Variants in GALNT9 observed in about 807,000 individuals in gnomAD.
GALNT9 encodes GalNAc transferase 9.
GALNT9 carries 47 observed loss-of-function variants against 63.1 expected under a neutral mutation model. The ratio of observed to expected loss-of-function variants is 0.75; its 90% CI spans 0.59 to 0.95. The LOEUF is 0.95. Ranked by LOEUF, GALNT9 falls within the 40% of genes least tolerant of loss-of-function variation. The pLI is 0.00. For missense variants in GALNT9, 829 were observed against 874.8 expected, an observed-to-expected ratio of 0.95 and a Z score of 0.66; for synonymous variants, 396 against 365.7, an observed-to-expected ratio of 1.08 and a Z score of -0.94.
chr12:132,324,272 T>C (rs1458041876), intron 1 of GALNT9, among the ~76,000 whole-genome samples: 1 of 151,998 alleles, frequency 6.6e-6, no homozygotes, highest in African/African-American at 2.4e-5. Context: ...CGCAGGACAT[T>C]CCGAGACGCA....
intron 2 of GALNT9, among the ~76,000 whole-genome samples, chr12:132,266,045 CAGG>C (rs1879582594): frequency 6.7e-6 from 1 of 148,500 alleles, no homozygotes; most frequent in African/African-American, 2.6e-5. Flanking sequence ...ATTTCATCAA[CAGG>C]CACGCACAGC....
chr12:132,259,798 T>C (rs1879294749), intron 4 of GALNT9, among the ~76,000 whole-genome samples: 1 of 152,202 alleles, frequency 6.6e-6, no homozygotes, highest in Non-Finnish European at 1.5e-5. Flanking sequence ...CAAGGCCCCC[T>C]GCAGTGACAA....
chr12:132,308,720 T>C (rs1881702043), intron 1 of GALNT9, among the ~76,000 whole-genome samples: 1 of 152,178 alleles, frequency 6.6e-6, no homozygotes, highest in Admixed American at 6.5e-5. Context: ...GTCAGCACCA[T>C]GCTGTCCCCA....
intron 6 of GALNT9, among the ~76,000 whole-genome samples, chr12:132,222,526 C>T (rs1375739620): frequency 6.6e-6 from 1 of 152,016 alleles, no homozygotes; most frequent in Non-Finnish European, 1.5e-5. Flanking sequence ...GCAGTTTCTG[C>T]CCCCAGGGCT....
chr12:132,309,929 C>T (rs782162477), intron 1 of GALNT9, among the ~76,000 whole-genome samples: 28 of 152,344 alleles, frequency 1.8e-4, no homozygotes, highest in Middle Eastern at 6.8e-3. Context: ...TGGCAGCGGG[C>T]GCAGGTGAAA....
chr12:132,291,242 C>T (rs1474594979), intron 1 of GALNT9, among the ~76,000 whole-genome samples: 1 of 41,122 alleles, frequency 2.4e-5, no homozygotes, highest in Non-Finnish European at 4.1e-5. Flanking sequence ...ACGTCCACAG[C>T]GCCCACGTCC....
chr12:132,239,590 A>G (rs2136897178), intron 6 of GALNT9, among the ~76,000 whole-genome samples: 1 of 152,114 alleles, frequency 6.6e-6, no homozygotes, highest in African/African-American at 2.4e-5. Context: ...AGACACAGAG[A>G]GACAGAGAGA....
Position 132,200,938 on chromosome 12 carries a change from C to T in GALNT9, c.1401+186G>A, listed in dbSNP as rs12309593. 1.5e-3 allele frequency: 917 copies of T among 595,054 alleles called. 9 individuals are homozygous for T. In the African/African-American group the frequency reaches 0.016, roughly 10 times the overall value. 36.9% of individuals were successfully genotyped at this position (595,054 alleles called of 1,614,324 possible). ...GTGCACGTGGATGTGCCTGCATCAC[C>T]GTGAATGCACACGTGTGTGCAGGAG... On this transcript the variant is annotated intron_variant, in intron 8 of 10. Coordinates refer to ENST00000328957, the MANE Select transcript of GALNT9 (RefSeq NM_001122636.2).
intron 2 of GALNT9, chr12:132,276,366 G>A (rs57184674): frequency 0.064 from 9,951 of 155,072 alleles, 1,064 homozygotes; most frequent in African/African-American, 0.23. Context: ...CACATGGCTC[G>A]CCGCCTATCT....
chr12:132,201,300 C>A, intron 7 of GALNT9, 39 bp from the exon 8 acceptor site: 1 of 1,471,518 alleles, frequency 6.8e-7, no homozygotes, highest in South Asian at 1.2e-5. Flanking sequence ...ACATGGGTGT[C>A]ACCATGACCT....
rs148141765 is a variant in GALNT9 at position 132,272,046 on chromosome 12, G to A, written c.420-9421C>T. On this transcript the variant is annotated intron_variant, in intron 2 of 10. Transcript: ENST00000328957. ...GCGCTCGAGGGCGGGGGGAGGAGGAGACAGGAGAGAGGAGAATGCCGTCAC... is the reference window on the plus strand; with the variant it reads ...GCGCTCGAGGGCGGGGGGAGGAGGAAACAGGAGAGAGGAGAATGCCGTCAC... Among the ~76,000 whole-genome samples, 266 of 152,152 alleles carry A rather than the reference G, an allele frequency of 1.7e-3. 3 individuals carry two copies. The highest frequency in any genetic ancestry group is 6.0e-3 in the African/African-American group (248 of 41,522).
intron 1 of GALNT9, among the ~76,000 whole-genome samples, chr12:132,321,252 G>GTCAAGGCCCCTGTGGGTCCAGAA (rs1868782207): frequency 1.4e-5 from 2 of 147,428 alleles, no homozygotes; most frequent in African/African-American, 5.1e-5. Context: ...TCGGTCCGGA[G>GTCAAGGCCCCTGTGGGTCCAGAA]TCGAGGCCCC....
At chr12:132,210,804 T>C (rs548255545) in intron 6 of GALNT9, among the ~76,000 whole-genome samples, 8 of 150,928 alleles carry the variant, frequency 5.3e-5, no homozygotes, top group South Asian at 2.1e-4. Context: ...GTCTGGCGGT[T>C]GCCATCTGGG....
At chr12:132,214,408 G>C (rs886358269) in intron 6 of GALNT9, among the ~76,000 whole-genome samples, 6 of 152,164 alleles carry the variant, frequency 3.9e-5, no homozygotes, top group Non-Finnish European at 8.8e-5. Flanking sequence ...GCCCCTCCCG[G>C]GTGAGTGATT....
intron 1 of GALNT9, among the ~76,000 whole-genome samples, chr12:132,291,243 G>A (rs1254857641): frequency 2.0e-4 from 3 of 14,896 alleles, no homozygotes; most frequent in African/African-American, 4.4e-4. Flanking sequence ...CGTCCACAGC[G>A]CCCACGTCCT....
At chr12:132,225,826 TCACA>T (rs1371366735) in intron 6 of GALNT9, among the ~76,000 whole-genome samples, 1 of 76,358 alleles carries the variant, frequency 1.3e-5, no homozygotes, top group Admixed American at 1.4e-4. Flanking sequence ...ATGCATACCC[TCACA>T]CACACCACAC....
intron 1 of GALNT9, among the ~76,000 whole-genome samples, chr12:132,321,854 G>A (rs1171827113): frequency 6.6e-6 from 1 of 151,846 alleles, no homozygotes; most frequent in Non-Finnish European, 1.5e-5. Context: ...CCCTCATACA[G>A]GAGGCCGGGA....
intron 6 of GALNT9, among the ~76,000 whole-genome samples, chr12:132,244,797 C>G: frequency 1.0e-5 from 1 of 97,946 alleles, no homozygotes; most frequent in Non-Finnish European, 2.0e-5. Flanking sequence ...GGTGATGGGG[C>G]TGGACGGGCA....
intron 1 of GALNT9, among the ~76,000 whole-genome samples, chr12:132,299,798 A>T (rs1881222308): frequency 8.2e-6 from 1 of 121,892 alleles, no homozygotes; most frequent in African/African-American, 3.2e-5. Flanking sequence ...GAGATAACTC[A>T]CTCCCATAAC....
Sources: allele counts gnomAD v4.1 joint callset (sites outside exome capture counted in the v4.1 genomes callset), GRCh38; gene constraint gnomAD v4.1.1; transcripts MANE v1.5; gene names NCBI Gene and HGNC (gene_info 2026-07-23, HGNC 2026-07-21).